The following SPOP variants were observed in gnomAD, a reference collection of about 807,000 sequenced individuals.
SPOP encodes speckle type BTB/POZ protein, also known as speckle-type POZ protein.
Under a neutral mutation model 45.6 loss-of-function variants are expected in SPOP, and 11 were observed. The observed-to-expected ratio is 0.24, with a 90% confidence interval of 0.15 to 0.40. The LOEUF is 0.40. Among genes scored for constraint, SPOP ranks in the 10% least tolerant of loss-of-function variants. SPOP has a pLI of 1.00. For synonymous variants in SPOP, 166 were observed against 166.3 expected, an observed-to-expected ratio of 1.00 and a Z score of 0.01; for missense variants, 152 against 465.6, an observed-to-expected ratio of 0.33 and a Z score of 6.20.
intron 2 of SPOP, 139 bp from the exon 3 acceptor site, chr17:49,622,206 C>T (rs1420216205): frequency 9.4e-7 from 1 of 1,066,086 alleles, no homozygotes; most frequent in East Asian, 2.7e-5. Flanking sequence ...TTTTTCTCAC[C>T]TTATGTTCCT....
chr17:49,642,854 G>T (rs545387572), intron 1 of SPOP, among the ~76,000 whole-genome samples: 158 of 152,286 alleles, frequency 1.0e-3, no homozygotes, highest in Non-Finnish European at 1.8e-3. Context: ...TTGCCTATTG[G>T]GTGACATGAC....
At chr17:49,622,663 C>T in intron 2 of SPOP, 70 bp downstream of exon 2, 2 of 1,353,732 alleles carry the variant, frequency 1.5e-6, no homozygotes, top group South Asian at 1.2e-5. Flanking sequence ...TGTAGAAAAG[C>T]AATCCTACTC....
chr17:49,624,330 C>T (rs552053992), intron 1 of SPOP, among the ~76,000 whole-genome samples: 3 of 94,068 alleles, frequency 3.2e-5, no homozygotes, highest in Admixed American at 1.2e-4. Flanking sequence ...CGCGCGCGCG[C>T]GCACACACAC....
intron 1 of SPOP, among the ~76,000 whole-genome samples, chr17:49,653,948 T>C (rs1343493597): frequency 6.6e-6 from 1 of 152,076 alleles, no homozygotes; most frequent in Admixed American, 6.6e-5. Flanking sequence ...AAAAGTTTTT[T>C]CTATTCAAGG....
At position 49,619,389 on chromosome 17, in the gene SPOP, T is replaced by C. The variant is rs2143274424; in HGVS notation, c.201-4A>G. The stretch of plus-strand genomic sequence containing the variant: ...TTTGGGGTTTACTCGCAAACACCTG[T>C]CCAAAACAGATAGAAAAAAAAAATG... On this transcript the variant is annotated splice_region_variant and splice_polypyrimidine_tract_variant and intron_variant, in intron 3 of 9. Coordinates refer to ENST00000504102, the MANE Select transcript of SPOP (RefSeq NM_001007228.2). The surrounding 1 kb of genome is among the most constrained non-coding windows in gnomAD (Gnocchi z 4.9). 2 of 1,594,830 alleles carry C rather than the reference T, an allele frequency of 1.3e-6. No homozygotes were observed. The highest frequency in any genetic ancestry group is 1.1e-5 in the South Asian group (1 of 87,476).
chr17:49,653,577 T>C (rs774303035), intron 1 of SPOP, among the ~76,000 whole-genome samples: 1 of 151,886 alleles, frequency 6.6e-6, no homozygotes, highest in African/African-American at 2.4e-5. Flanking sequence ...GTAGGCCCAA[T>C]AGCCTGCATG....
intron 1 of SPOP, among the ~76,000 whole-genome samples, chr17:49,659,197 A>T (rs574267657): frequency 2.6e-5 from 4 of 152,302 alleles, no homozygotes; most frequent in African/African-American, 9.6e-5. Flanking sequence ...ATGGTGAATC[A>T]ATTTTATGCA....
At chr17:49,634,893 G>A (rs1037493768) in intron 1 of SPOP, among the ~76,000 whole-genome samples, 3 of 152,194 alleles carry the variant, frequency 2.0e-5, no homozygotes, top group Non-Finnish European at 2.9e-5. Context: ...ACCTGCTCCA[G>A]GGGATTTGGT....
At chr17:49,621,428 A>G (rs1257793655) in intron 3 of SPOP, among the ~76,000 whole-genome samples, 1 of 152,214 alleles carries the variant, frequency 6.6e-6, no homozygotes, top group African/African-American at 2.4e-5. Context: ...AACCCATCCT[A>G]TACCCTGTCA....
chr17:49,618,496 G>A (rs1049941586), intron 5 of SPOP: 2 of 454,200 alleles, frequency 4.4e-6, no homozygotes, highest in African/African-American at 4.0e-5. Flanking sequence ...AAAAAAAATG[G>A]TTCTCACCTT....
chr17:49,637,465 C>T (rs1204850266), intron 1 of SPOP, among the ~76,000 whole-genome samples: 1 of 152,134 alleles, frequency 6.6e-6, no homozygotes, highest in African/African-American at 2.4e-5. Flanking sequence ...ATTCTCCTGC[C>T]TCAGCCTCCC....
In SPOP at chr17:49,607,874, CT is replaced by C; in HGVS notation, c.713del (p.Lys238ArgfsTer17). On this transcript the variant is annotated frameshift_variant and splice_region_variant, in exon 7 of 10. Coordinates refer to ENST00000504102, the MANE Select transcript of SPOP (RefSeq NM_001007228.2). LOFTEE classifies it high-confidence loss of function. ...GACATGTCTTCATCTTGTTACATAC[CT>C]TTTTGCTCTCCTCCATTTCATGTTC... ...MFEHEMEESK[K>X]NRVEINDVEP... 1.2e-6 allele frequency: 2 copies of C among 1,610,936 alleles called. No individual in the cohort carries two copies. The highest frequency in any genetic ancestry group is 1.1e-5 in the South Asian group (1 of 90,716).
chr17:49,644,587 T>C (rs947193606), intron 1 of SPOP, among the ~76,000 whole-genome samples: 1 of 152,098 alleles, frequency 6.6e-6, no homozygotes, highest in African/African-American at 2.4e-5. Flanking sequence ...ATCAAAGGGA[T>C]TGTGGAAAAA....
At chr17:49,647,628 G>C (rs1042259901) in intron 1 of SPOP, among the ~76,000 whole-genome samples, 1 of 151,958 alleles carries the variant, frequency 6.6e-6, no homozygotes, top group Non-Finnish European at 1.5e-5. Context: ...TTACAGGGGT[G>C]TGCCACCATG....
At chr17:49,632,105 T>C (rs1052688239) in intron 1 of SPOP, among the ~76,000 whole-genome samples, 1 of 152,186 alleles carries the variant, frequency 6.6e-6, no homozygotes, top group Non-Finnish European at 1.5e-5. Flanking sequence ...TTAGACTCCT[T>C]CTCTTTTGGG....
At chr17:49,673,298 G>C (rs546756156) in intron 1 of SPOP, among the ~76,000 whole-genome samples, 2 of 152,236 alleles carry the variant, frequency 1.3e-5, no homozygotes, top group South Asian at 4.1e-4. Flanking sequence ...GAGGTCAGGA[G>C]ATCAAGACCA....
In SPOP at chr17:49,647,313, TAAAAAAAA is replaced by T. The variant is rs1156781114; in HGVS notation, c.-66-24445_-66-24438del. Among the ~76,000 whole-genome samples the T allele has an allele frequency of 2.3e-4, 10 of 43,118 alleles. 1 individual carries two copies. The highest frequency in any genetic ancestry group is 2.1e-3 in the South Asian group (2 of 966). 28.3% of individuals were successfully genotyped at this position (43,118 alleles called of 152,430 possible). On this transcript the variant is annotated intron_variant, in intron 1 of 9. Coordinates refer to ENST00000504102, the MANE Select transcript of SPOP (RefSeq NM_001007228.2). The stretch of plus-strand genomic sequence containing the variant: ...CTACAGAGTGAGTGAGATGCCGTCT[TAAAAAAAA>T]AAAAAAAAAAAAAAAAAAAAAAGTT...
intron 1 of SPOP, among the ~76,000 whole-genome samples, chr17:49,635,863 G>C (rs1433373747): frequency 6.6e-6 from 1 of 151,604 alleles, no homozygotes; most frequent in Non-Finnish European, 1.5e-5. Flanking sequence ...CAAACTCCTG[G>C]CCTCAAGTGA....
chr17:49,666,669 A>G lies in SPOP; in HGVS notation c.-67+11264T>C, dbSNP rs533737032. 2.6e-5 allele frequency among the ~76,000 whole-genome samples: 4 copies of G among 151,962 alleles called. No individual in the cohort carries two copies. The South Asian group carries it at 6.2e-4, about 24-fold the overall frequency. On this transcript the variant is annotated intron_variant, in intron 1 of 9. Transcript: ENST00000504102. ...AATGTAAAACCACATCTCTACCAAA[A>G]ATACAAAAACAAGCCTGGTGTGGTG...
Sources: allele counts gnomAD v4.1 joint callset (sites outside exome capture counted in the v4.1 genomes callset), GRCh38; gene constraint gnomAD v4.1.1; non-coding constraint Gnocchi (gnomAD v3.1); transcripts MANE v1.5; gene names NCBI Gene and HGNC (gene_info 2026-07-23, HGNC 2026-07-21).